PDE1C: variants seen among roughly 807,000 people sequenced by gnomAD.
The protein encoded by PDE1C is phosphodiesterase 1C.
PDE1C carries 62 observed loss-of-function variants against 93.1 expected under a neutral mutation model. That is an observed-to-expected ratio of 0.67 (90% CI 0.54 to 0.82). The LOEUF is 0.82. PDE1C is among the 40% of genes least tolerant of loss of function. The pLI, the probability that PDE1C is intolerant of heterozygous loss-of-function variation, is 0.00. For synonymous variants in PDE1C, 325 were observed against 310.1 expected (o/e 1.05, Z -0.50); for missense variants, 742 against 884.6 (o/e 0.84, Z 2.04).
chr7:32,167,402 G>A (rs961509598), intron 3 of PDE1C, among the ~76,000 whole-genome samples: 24 of 152,150 alleles, frequency 1.6e-4, no homozygotes, highest in African/African-American at 5.8e-4. Flanking sequence ...TTGTGGTTGT[G>A]CTGAGGCCAA....
At chr7:31,659,581 G>C in the PDE1C span, among the ~76,000 whole-genome samples, 2 of 152,146 alleles carry the variant, frequency 1.3e-5, no homozygotes, top group African/African-American at 4.8e-5. Context: ...TTTGTATTTT[G>C]TTTCAGAAAA....
At chr7:32,314,165 C>T (rs10951330) in intron 1 of PDE1C, among the ~76,000 whole-genome samples, 1 of 151,912 alleles carries the variant, frequency 6.6e-6, no homozygotes, top group African/African-American at 2.4e-5. Flanking sequence ...AATATATCAA[C>T]AATTTTAATA....
intron 1 of PDE1C, among the ~76,000 whole-genome samples, chr7:32,242,350 G>A (rs1808604864): frequency 6.6e-6 from 1 of 152,168 alleles, no homozygotes; most frequent in African/African-American, 2.4e-5. Context: ...GAAGGAATGA[G>A]CTGGGAGCAA....
intron 2 of PDE1C, among the ~76,000 whole-genome samples, chr7:31,982,345 T>C (rs1812498341): frequency 6.6e-6 from 1 of 152,228 alleles, no homozygotes; most frequent in Non-Finnish European, 1.5e-5. Flanking sequence ...TTCATCCAGT[T>C]GTTTTGTTCT....
At chr7:31,727,247 A>C in the PDE1C span, among the ~76,000 whole-genome samples, 1 of 152,192 alleles carries the variant, frequency 6.6e-6, no homozygotes, top group African/African-American at 2.4e-5. Flanking sequence ...TGCAATGAGT[A>C]ATAAGCTTAG....
chr7:32,414,212 C>CA (rs112389316), intron 1 of PDE1C, among the ~76,000 whole-genome samples: 3,868 of 103,940 alleles, frequency 0.037, 185 homozygotes, highest in African/African-American at 0.13. Context: ...GACCCAGTCT[C>CA]AAAAAAAAAA....
chr7:32,047,032 GGTGT>G (rs60646988), intron 2 of PDE1C, among the ~76,000 whole-genome samples: 24 of 148,810 alleles, frequency 1.6e-4, no homozygotes, highest in African/African-American at 3.0e-4. Flanking sequence ...CTGAAATAGG[GGTGT>G]GTGTGTGTGT....
intron 7 of PDE1C, 71 bp downstream of exon 7, chr7:31,864,871 T>A: frequency 6.8e-7 from 1 of 1,470,078 alleles, no homozygotes; most frequent in Non-Finnish European, 9.4e-7. Context: ...CTCATCAGAA[T>A]TGGAACAGTC....
chr7:32,081,076 T>C (rs1217048489), intron 3 of PDE1C, among the ~76,000 whole-genome samples: 1 of 152,194 alleles, frequency 6.6e-6, no homozygotes, highest in East Asian at 1.9e-4. Flanking sequence ...CTCAAACTGC[T>C]TATGTGCTGC....
chr7:32,067,468 C>T (rs1795537701), intron 1 of PDE1C, among the ~76,000 whole-genome samples: 1 of 152,058 alleles, frequency 6.6e-6, no homozygotes, highest in African/African-American at 2.4e-5. Context: ...GGTATGGGTA[C>T]GGGTTGGAAT....
the PDE1C span, among the ~76,000 whole-genome samples, chr7:31,618,532 T>TA: frequency 6.6e-6 from 1 of 152,168 alleles, no homozygotes; most frequent in Non-Finnish European, 1.5e-5. Flanking sequence ...CAGGGGCCCC[T>TA]TCTTCTCAGA....
the PDE1C span, among the ~76,000 whole-genome samples, chr7:31,701,133 T>C: frequency 1.3e-5 from 2 of 152,194 alleles, no homozygotes; most frequent in South Asian, 2.1e-4. Flanking sequence ...CTCTGATGGA[T>C]CTGGACAAAG....
intron 3 of PDE1C, among the ~76,000 whole-genome samples, chr7:32,150,505 A>C (rs1474572458): frequency 6.6e-6 from 1 of 152,072 alleles, no homozygotes; most frequent in Non-Finnish European, 1.5e-5. Context: ...AGAATCTCAC[A>C]CCTTCCTGAT....
chr7:31,964,350 C>A (rs935653798), intron 2 of PDE1C, among the ~76,000 whole-genome samples: 2 of 152,108 alleles, frequency 1.3e-5, no homozygotes, highest in African/African-American at 4.8e-5. Flanking sequence ...CACGGAGCCT[C>A]GCTCACTGCT....
At chr7:31,672,336 C>T in the PDE1C span, among the ~76,000 whole-genome samples, 16 of 152,248 alleles carry the variant, frequency 1.1e-4, no homozygotes, top group Non-Finnish European at 2.1e-4. Flanking sequence ...TCCTATCCTG[C>T]TAATTCCCCA....
At chr7:32,355,246 T>C (rs215692) in intron 1 of PDE1C, among the ~76,000 whole-genome samples, 77,358 of 152,102 alleles carry the variant, frequency 0.51, 22,377 homozygotes, top group Admixed American at 0.67. Flanking sequence ...TAAGGGGAGC[T>C]CTGAGCTTCT....
intron 16 of PDE1C, among the ~76,000 whole-genome samples, chr7:31,783,078 T>G (rs1411949993): frequency 6.6e-6 from 1 of 152,210 alleles, no homozygotes; most frequent in Non-Finnish European, 1.5e-5. Flanking sequence ...AGACTCCTTA[T>G]GTTCATGGCT....
intron 1 of PDE1C, among the ~76,000 whole-genome samples, chr7:32,326,569 T>A (rs986625603): frequency 1.3e-4 from 20 of 152,136 alleles, no homozygotes; most frequent in African/African-American, 4.1e-4. Flanking sequence ...ACCGGTCAAG[T>A]AAGAGAAGGA....
intron 3 of PDE1C, among the ~76,000 whole-genome samples, chr7:32,123,190 T>C (rs1799392281): frequency 6.6e-6 from 1 of 152,060 alleles, no homozygotes; most frequent in Non-Finnish European, 1.5e-5. Flanking sequence ...AATAGACCAA[T>C]AACAAGTTCC....
Sources: allele counts gnomAD v4.1 joint callset (sites outside exome capture counted in the v4.1 genomes callset), GRCh38; gene constraint gnomAD v4.1.1; transcripts MANE v1.5; gene names NCBI Gene and HGNC (gene_info 2026-07-23, HGNC 2026-07-21).